ZNF429: variants seen among roughly 807,000 people sequenced by gnomAD.
The protein encoded by ZNF429 is zinc finger protein 429.
A neutral mutation model predicts 56.8 loss-of-function variants in ZNF429; 53 were observed. The ratio of observed to expected loss-of-function variants is 0.93; its 90% CI spans 0.75 to 1.17. The LOEUF is 1.17. Ranked by LOEUF, ZNF429 falls within the 50% of genes most tolerant of loss-of-function variation. The pLI is 0.00. For synonymous variants in ZNF429, 278 were observed against 264.7 expected (o/e 1.05, Z -0.49); for missense variants, 849 against 788.4 (o/e 1.08, Z -0.92).
At position 21,537,855 on chromosome 19, in the gene ZNF429, C is replaced by CT; in HGVS notation, c.1806dup (p.Asn603Ter). 6.2e-7 allele frequency: 1 copy of CT among 1,614,006 alleles called. No homozygotes were observed. Among genetic ancestry groups the CT allele is most frequent in the Non-Finnish European group, 8.5e-7 (1 of 1,179,992 alleles). ...TACAAATGTGAAGAATGTGGCAAAG[C>CT]TTTTAATCGGTCCTCAAGACTTACT... On this transcript the variant is annotated frameshift_variant, in exon 4 of 4. Transcript: ENST00000358491. LOFTEE classifies it high-confidence loss of function.
intron 1 of ZNF429, 88 bp downstream of exon 1, chr19:21,505,862 G>C: frequency 6.9e-7 from 1 of 1,456,580 alleles, no homozygotes; most frequent in Admixed American, 1.7e-5. Context: ...AGGTCTCCCG[G>C]CAGTCAGCTC....
At chr19:21,512,158 C>T (rs550780295) in intron 1 of ZNF429, among the ~76,000 whole-genome samples, 1 of 152,216 alleles carries the variant, frequency 6.6e-6, no homozygotes, top group East Asian at 1.9e-4. Flanking sequence ...ATTCATGCCT[C>T]CCCTTTTTAG....
chr19:21,536,513 T>C lies in ZNF429; in HGVS notation c.460T>C (p.Phe154Leu). 6.2e-7 allele frequency: 1 copy of C among 1,612,664 alleles called. No homozygotes were observed. The highest frequency in any genetic ancestry group is 8.5e-7 in the Non-Finnish European group (1 of 1,179,456). Residue 154 changes from phenylalanine (F) to leucine (L), a missense_variant, in exon 4 of 4, where the codon TTT becomes CTT. Phe to Leu is a conservative substitution (Grantham distance 22). Transcript: ENST00000358491. Reference sequence around the variant, plus strand: ...TCACTGTGATATATATGTAAAAGTCTTTTATGCATTTTCAAATGCAGATAG... The same window carrying C: ...TCACTGTGATATATATGTAAAAGTCCTTTATGCATTTTCAAATGCAGATAG... The part of the protein sequence containing the change: ...MYHCDIYVKV[F>L]YAFSNADRYK...
intron 3 of ZNF429, 24 bp downstream of exon 3, chr19:21,530,708 A>G: frequency 6.4e-7 from 1 of 1,567,116 alleles, no homozygotes; most frequent in Non-Finnish European, 8.7e-7. Context: ...AACACAACAG[A>G]CAACACAGAT....
chr19:21,527,428 C>T (rs527993270), intron 1 of ZNF429, among the ~76,000 whole-genome samples: 45 of 152,264 alleles, frequency 3.0e-4, no homozygotes, highest in African/African-American at 1.0e-3. Flanking sequence ...TAATTAAGTG[C>T]CTCATGTGAT....
At chr19:21,530,776 T>C in intron 3 of ZNF429, 92 bp downstream of exon 3, 1 of 963,642 alleles carries the variant, frequency 1.0e-6, no homozygotes, top group Non-Finnish European at 1.5e-6. Flanking sequence ...TGGGAAGCTA[T>C]GTTTCAAAGA....
At chr19:21,534,229 T>C in intron 3 of ZNF429, among the ~76,000 whole-genome samples, 27,536 of 150,798 alleles carry the variant, frequency 0.18, 2,650 homozygotes, top group Middle Eastern at 0.21. Flanking sequence ...ATTTGAAAAA[T>C]TAAATTTTTG....
chr19:21,523,837 G>C (rs1599462915), intron 1 of ZNF429, among the ~76,000 whole-genome samples: 1 of 151,664 alleles, frequency 6.6e-6, no homozygotes. Context: ...TGCCAGAGCA[G>C]CCTCTATGAG....
In ZNF429 at chr19:21,539,241, T is replaced by C. The variant is rs2033836430; in HGVS notation, c.*1163T>C. Among the ~76,000 whole-genome samples the C allele has an allele frequency of 2.0e-5, 3 of 152,190 alleles. No individual in the cohort carries two copies. The highest frequency in any genetic ancestry group is 4.4e-5 in the Non-Finnish European group (3 of 68,008). On this transcript the variant is annotated 3_prime_UTR_variant, in exon 4 of 4. Coordinates refer to ENST00000358491, the MANE Select transcript of ZNF429 (RefSeq NM_001001415.4). ...TGTATTAAATACATAGAATATGATATTTAATACATAGAAAAGTCTACATGA... is the reference window on the plus strand; with the variant it reads ...TGTATTAAATACATAGAATATGATACTTAATACATAGAAAAGTCTACATGA...
intron 1 of ZNF429, among the ~76,000 whole-genome samples, chr19:21,514,661 A>C (rs2032654803): frequency 6.6e-6 from 1 of 151,592 alleles, no homozygotes; most frequent in African/African-American, 2.4e-5. Context: ...GCAGTTTTAC[A>C]ATCTGGGCTC....
chr19:21,536,259 G>T, intron 3 of ZNF429, 21 bp from the exon 4 acceptor site: 3 of 1,538,318 alleles, frequency 2.0e-6, no homozygotes, highest in Middle Eastern at 1.8e-4. Context: ...GAAGTAATTT[G>T]TTGTTTTAAT....
intron 3 of ZNF429, among the ~76,000 whole-genome samples, chr19:21,535,332 T>TC: frequency 7.5e-5 from 7 of 93,480 alleles, no homozygotes; most frequent in South Asian, 3.3e-4. Flanking sequence ...TCTTTCTCTT[T>TC]TCTTTTCTTT....
At chr19:21,525,692 T>C (rs1451480063) in intron 1 of ZNF429, among the ~76,000 whole-genome samples, 1 of 152,274 alleles carries the variant, frequency 6.6e-6, no homozygotes, top group Non-Finnish European at 1.5e-5. Context: ...AGCAACTTGT[T>C]TTCTATTCCT....
chr19:21,531,122 A>C, intron 3 of ZNF429, among the ~76,000 whole-genome samples: 18 of 20,262 alleles, frequency 8.9e-4, no homozygotes, highest in South Asian at 2.8e-3. Flanking sequence ...AAAAAAAAAA[A>C]AAAAAAACCA....
intron 1 of ZNF429, among the ~76,000 whole-genome samples, chr19:21,515,378 A>G (rs749549865): frequency 2.0e-5 from 3 of 151,934 alleles, no homozygotes; most frequent in Non-Finnish European, 4.4e-5. Flanking sequence ...TGTTAGCCAC[A>G]TGTATATCTT....
chr19:21,511,812 C>T (rs964273538), intron 1 of ZNF429, among the ~76,000 whole-genome samples: 12 of 152,138 alleles, frequency 7.9e-5, no homozygotes, highest in African/African-American at 2.4e-4. Context: ...AATGAGACTC[C>T]TTCTGCAATC....
chr19:21,533,709 G>A, intron 3 of ZNF429, among the ~76,000 whole-genome samples: 1 of 150,792 alleles, frequency 6.6e-6, no homozygotes, highest in African/African-American at 2.4e-5. Flanking sequence ...AGGCTGGAGT[G>A]TACCGGTGTA....
intron 3 of ZNF429, among the ~76,000 whole-genome samples, chr19:21,535,740 T>C: frequency 1.3e-5 from 2 of 151,608 alleles, no homozygotes; most frequent in Admixed American, 6.6e-5. Flanking sequence ...GGTTTCGAAC[T>C]CCTGACTTTA....
intron 1 of ZNF429, chr19:21,521,493 C>T (rs150408254): frequency 6.6e-6 from 1 of 152,182 alleles, no homozygotes; most frequent in Non-Finnish European, 1.5e-5. Context: ...TCATGTTTCT[C>T]ATGCTGACAA....
Sources: allele counts gnomAD v4.1 joint callset (sites outside exome capture counted in the v4.1 genomes callset), GRCh38; gene constraint gnomAD v4.1.1; transcripts MANE v1.5; gene names NCBI Gene and HGNC (gene_info 2026-07-23, HGNC 2026-07-21).